Variants in GREM2 observed in about 807,000 individuals in gnomAD.
The protein encoded by GREM2 is gremlin 2, DAN family BMP antagonist.
Under a neutral mutation model 14.2 loss-of-function variants are expected in GREM2, and 11 were observed. The observed-to-expected ratio is 0.78, with a 90% CI of 0.49 to 1.28. The LOEUF is 1.28. Among genes scored for constraint, GREM2 ranks in the 50% most tolerant of loss-of-function variants. The pLI is 0.00. For synonymous variants in GREM2, 98 were observed against 97.6 expected (o/e 1.00, Z -0.02); for missense variants, 210 against 218.5 (o/e 0.96, Z 0.24).
intron 1 of GREM2, among the ~76,000 whole-genome samples, chr1:240,575,524 A>ATTT (rs200664832): frequency 2.9e-5 from 4 of 139,958 alleles, no homozygotes; most frequent in Admixed American, 1.4e-4. Context: ...TTTAATTTTA[A>ATTT]TTTTATTTTT....
chr1:240,524,354 T>A (rs1297541385), intron 1 of GREM2, among the ~76,000 whole-genome samples: 2 of 152,274 alleles, frequency 1.3e-5, no homozygotes, highest in Non-Finnish European at 2.9e-5. Flanking sequence ...ATACTCTTTG[T>A]CTATGACATG....
intron 1 of GREM2, among the ~76,000 whole-genome samples, chr1:240,590,431 CTTT>C (rs11343465): frequency 7.9e-5 from 11 of 139,184 alleles, no homozygotes; most frequent in Admixed American, 1.4e-4. Flanking sequence ...CTTTTTCTTT[CTTT>C]TTTTTTTTTT....
At chr1:240,608,985 C>G (rs988205253) in intron 1 of GREM2, among the ~76,000 whole-genome samples, 13 of 152,098 alleles carry the variant, frequency 8.5e-5, no homozygotes, top group Non-Finnish European at 1.2e-4. Flanking sequence ...ATTTTCCCCC[C>G]ACACCTGTGT....
intron 1 of GREM2, among the ~76,000 whole-genome samples, chr1:240,510,348 C>A (rs373375105): frequency 1.1e-4 from 12 of 110,318 alleles, no homozygotes; most frequent in South Asian, 3.2e-4. Context: ...CCAGCCTGGG[C>A]GACAGAGCGA....
At chr1:240,590,324 C>T (rs1293928485) in intron 1 of GREM2, among the ~76,000 whole-genome samples, 1 of 152,120 alleles carries the variant, frequency 6.6e-6, no homozygotes, top group African/African-American at 2.4e-5. Context: ...GTTCCACTGT[C>T]ATTTGCACAC....
At chr1:240,514,657 A>G (rs1259355926) in intron 1 of GREM2, among the ~76,000 whole-genome samples, 2 of 152,328 alleles carry the variant, frequency 1.3e-5, no homozygotes, top group East Asian at 3.9e-4. Flanking sequence ...CCAGCACTTC[A>G]AGACGCCAAG....
intron 1 of GREM2, among the ~76,000 whole-genome samples, chr1:240,579,718 CA>C (rs1679447677): frequency 1.3e-5 from 2 of 152,224 alleles, no homozygotes; most frequent in South Asian, 4.2e-4. Flanking sequence ...TGTCTGGGGT[CA>C]TCAAGAAAGG....
Position 240,491,615 on chromosome 1 carries a change from G to C in GREM2, c.*1354C>G, listed in dbSNP as rs1480433181. On this transcript the variant is annotated 3_prime_UTR_variant, in exon 2 of 2. Coordinates refer to ENST00000318160, the MANE Select transcript of GREM2 (RefSeq NM_022469.4). ...ATTCTTTGAAAAGGAAGCATGTTTT[G>C]TGCAGAACAGTTCAACTAGATTACT... is the stretch of plus-strand genomic sequence containing the variant. The C allele has an allele frequency of 1.3e-5, 2 of 152,542 alleles. No individual in the cohort carries two copies. The highest frequency in any genetic ancestry group is 2.9e-5 in the Non-Finnish European group (2 of 68,012). 9.4% of individuals were successfully genotyped at this position (152,542 alleles called of 1,614,324 possible). A position where few individuals can be genotyped will look rare whatever the true frequency, so the allele number is the denominator to read the frequency against.
At chr1:240,587,337 G>A (rs908314462) in intron 1 of GREM2, among the ~76,000 whole-genome samples, 1 of 150,906 alleles carries the variant, frequency 6.6e-6, no homozygotes, top group African/African-American at 2.4e-5. Flanking sequence ...TTTTGGGGGG[G>A]TGGGGACAGA....
chr1:240,545,891 C>T (rs1231638913), intron 1 of GREM2, among the ~76,000 whole-genome samples: 1 of 151,994 alleles, frequency 6.6e-6, no homozygotes, highest in Non-Finnish European at 1.5e-5. Context: ...TAAAATGAAA[C>T]AAAAAACCTA....
chr1:240,536,984 T>G (rs2103321507), intron 1 of GREM2, among the ~76,000 whole-genome samples: 1 of 152,288 alleles, frequency 6.6e-6, no homozygotes, highest in East Asian at 1.9e-4. Context: ...GCTGACATAC[T>G]AAAGAAGATA....
rs1387407649 is a variant in GREM2 at position 240,493,020 on chromosome 1, C to T, written c.456G>A (p.Val152=). 1.3e-6 allele frequency: 2 copies of T among 1,591,872 alleles called. No homozygotes were observed. Among genetic ancestry groups the T allele is most frequent in the South Asian group, 1.1e-5 (1 of 88,362 alleles). The change falls in exon 2 of 2, where the codon GTG becomes GTA. Residue 152 remains valine, a synonymous_variant. Transcript: ENST00000318160. The part of the protein sequence containing the change: ...PPFRLKKIQK[V]KQCRCMSVNL... ...TCACGGACATGCACCGGCACTGCTT[C>T]ACCTTCTGGATTTTCTTGAGTCGGA... is the stretch of plus-strand genomic sequence containing the variant.
rs184148976 is a variant in GREM2, at chr1:240,591,871, G to A, written c.-2+20013C>T. Among the ~76,000 whole-genome samples, 352 of 152,244 alleles carry A rather than the reference G, an allele frequency of 2.3e-3. 2 individuals are homozygous for A. Among genetic ancestry groups the A allele is most frequent in the Non-Finnish European group, 3.9e-3 (264 of 68,014 alleles). ...TGCTACAAGGTATGGAGCTGTTTAT[G>A]ATGCTTTTGATAGAAAATAAATGGC... On this transcript the variant is annotated intron_variant, in intron 1 of 1. Coordinates refer to ENST00000318160, the MANE Select transcript of GREM2 (RefSeq NM_022469.4).
chr1:240,593,095 G>T (rs1227343503), intron 1 of GREM2, among the ~76,000 whole-genome samples: 1 of 151,964 alleles, frequency 6.6e-6, no homozygotes, highest in Non-Finnish European at 1.5e-5. Flanking sequence ...AGTGAGCCAA[G>T]ATCATGCCAT....
intron 1 of GREM2, among the ~76,000 whole-genome samples, chr1:240,534,888 G>C (rs981926792): frequency 1.3e-5 from 2 of 152,010 alleles, no homozygotes; most frequent in Non-Finnish European, 2.9e-5. Flanking sequence ...TTTGGGTTTC[G>C]AAAATTTGGT....
intron 1 of GREM2, among the ~76,000 whole-genome samples, chr1:240,526,285 G>A (rs959424352): frequency 6.6e-6 from 1 of 152,186 alleles, no homozygotes; most frequent in Non-Finnish European, 1.5e-5. Flanking sequence ...GACATTAGGA[G>A]TCTATTTTAT....
chr1:240,502,017 C>T (rs969155744), intron 1 of GREM2, among the ~76,000 whole-genome samples: 4 of 151,968 alleles, frequency 2.6e-5, no homozygotes, highest in African/African-American at 9.7e-5. Flanking sequence ...CTGCCCGAAA[C>T]ACCAATCATG....
chr1:240,492,298 G>A lies in GREM2; in HGVS notation c.*671C>T. On this transcript the variant is annotated 3_prime_UTR_variant, in exon 2 of 2. Transcript: ENST00000318160. Reference sequence around the variant, plus strand: ...GAAGAAGAGGCGGTGGGGACTTGAGGATGGGGGATTGTGTAGCCTGCTCTG... The same window carrying A: ...GAAGAAGAGGCGGTGGGGACTTGAGAATGGGGGATTGTGTAGCCTGCTCTG... 2.3e-6 allele frequency: 1 copy of A among 427,926 alleles called. No homozygotes were observed. Among genetic ancestry groups the A allele is most frequent in the South Asian group, 1.6e-5 (1 of 61,014 alleles). 26.5% of individuals were successfully genotyped at this position (427,926 alleles called of 1,614,324 possible). A position where few individuals can be genotyped will look rare whatever the true frequency, so the allele number is the denominator to read the frequency against.
intron 1 of GREM2, among the ~76,000 whole-genome samples, chr1:240,504,470 G>A (rs1345870264): frequency 6.6e-6 from 1 of 152,046 alleles, no homozygotes; most frequent in Non-Finnish European, 1.5e-5. Flanking sequence ...TTTCTTCCAC[G>A]AGATCTGTTG....
Sources: allele counts gnomAD v4.1 joint callset (sites outside exome capture counted in the v4.1 genomes callset), GRCh38; gene constraint gnomAD v4.1.1; transcripts MANE v1.5; gene names NCBI Gene and HGNC (gene_info 2026-07-23, HGNC 2026-07-21).